The following DIP2C variants were observed in gnomAD, a reference collection of about 807,000 sequenced individuals.
DIP2C encodes the protein disco-interacting protein 2 homolog C.
Under a neutral mutation model 192.4 loss-of-function variants are expected in DIP2C, and 33 were observed. The observed-to-expected ratio is 0.17, with a 90% CI of 0.13 to 0.23. DIP2C has a LOEUF of 0.23. Among genes scored for constraint, DIP2C ranks in the 10% least tolerant of loss-of-function variants. The pLI, the probability that DIP2C is intolerant of heterozygous loss-of-function variation, is 1.00. For synonymous variants in DIP2C, 979 were observed against 864.1 expected (o/e 1.13, Z -2.33); for missense variants, 1,537 against 2,110.1 (o/e 0.73, Z 5.32).
At chr10:436,375 G>A (rs558460292) in intron 4 of DIP2C, among the ~76,000 whole-genome samples, 68 of 152,354 alleles carry the variant, frequency 4.5e-4, no homozygotes, top group African/African-American at 1.6e-3. Flanking sequence ...GTGACCATGG[G>A]CAGGCTTGGA....
chr10:342,682 G>A (rs1394575931), intron 28 of DIP2C, among the ~76,000 whole-genome samples: 1 of 152,152 alleles, frequency 6.6e-6, no homozygotes, highest in East Asian at 1.9e-4. Context: ...TGTGACATAA[G>A]TTAGAGCTAG....
intron 9 of DIP2C, 116 bp downstream of exon 9, chr10:408,810 C>T: frequency 2.2e-6 from 2 of 920,880 alleles, no homozygotes; most frequent in Non-Finnish European, 1.7e-6. Flanking sequence ...AGAATAAAAA[C>T]TTGCTTTCCA....
chr10:609,245 A>G (rs569390986), intron 1 of DIP2C, among the ~76,000 whole-genome samples: 1 of 152,334 alleles, frequency 6.6e-6, no homozygotes, highest in South Asian at 2.1e-4. Flanking sequence ...GGAACTTTCC[A>G]AAAGTAAATT....
chr10:454,898 G>A (rs11252521), intron 3 of DIP2C, among the ~76,000 whole-genome samples: 24,376 of 152,036 alleles, frequency 0.16, 5,051 homozygotes, highest in African/African-American at 0.48. Context: ...AGATTACTAT[G>A]TATATCCACA....
chr10:523,360 G>A (rs1846840574), intron 1 of DIP2C, among the ~76,000 whole-genome samples: 1 of 148,010 alleles, frequency 6.8e-6, no homozygotes, highest in African/African-American at 2.5e-5. Context: ...GAGTGACGAT[G>A]CAGGGACTCT....
At chr10:649,606 A>G (rs1855728149) in intron 1 of DIP2C, among the ~76,000 whole-genome samples, 2 of 152,246 alleles carry the variant, frequency 1.3e-5, no homozygotes, top group South Asian at 4.1e-4. Flanking sequence ...TCTAAGACTC[A>G]GGGTTTTGTC....
chr10:356,189 TATTGTA>T (rs1959071307), intron 24 of DIP2C: 2 of 596,526 alleles, frequency 3.4e-6, no homozygotes, highest in South Asian at 4.0e-5. Flanking sequence ...GGGGGAGAAA[TATTGTA>T]AATAGGTTGC....
intron 1 of DIP2C, among the ~76,000 whole-genome samples, chr10:558,207 T>TGC (rs1849012709): frequency 6.6e-6 from 1 of 152,140 alleles, no homozygotes; most frequent in Non-Finnish European, 1.5e-5. Context: ...GTACTGAGCA[T>TGC]GCGTCAAGCC....
chr10:491,082 T>C (rs1844410178), intron 1 of DIP2C, among the ~76,000 whole-genome samples: 1 of 152,232 alleles, frequency 6.6e-6, no homozygotes, highest in Admixed American at 6.5e-5. Flanking sequence ...CCGGCCCTTG[T>C]GGCTTCCTCT....
At chr10:669,859 G>C (rs1035145786) in intron 1 of DIP2C, among the ~76,000 whole-genome samples, 1 of 152,210 alleles carries the variant, frequency 6.6e-6, no homozygotes, top group African/African-American at 2.4e-5. Context: ...ATGTTTATAA[G>C]AAAGTTCAAT....
intron 1 of DIP2C, among the ~76,000 whole-genome samples, chr10:639,031 A>G (rs1205620589): frequency 2.6e-5 from 4 of 152,230 alleles, no homozygotes; most frequent in African/African-American, 9.6e-5. Flanking sequence ...TCCTCCTTGC[A>G]TTCAGTTTGA....
At chr10:356,082 C>T (rs1002801225) in intron 24 of DIP2C, among the ~76,000 whole-genome samples, 1 of 152,100 alleles carries the variant, frequency 6.6e-6, no homozygotes, top group East Asian at 1.9e-4. Context: ...TGCCTCAAAA[C>T]ACAAAACAAA....
intron 32 of DIP2C, among the ~76,000 whole-genome samples, chr10:293,407 T>C (rs1955589049): frequency 2.0e-5 from 3 of 152,166 alleles, no homozygotes; most frequent in Admixed American, 6.5e-5. Context: ...AATGTGCCGC[T>C]GAAAAAACAA....
At chr10:389,187 G>C (rs1429761240) in intron 13 of DIP2C, among the ~76,000 whole-genome samples, 1 of 151,704 alleles carries the variant, frequency 6.6e-6, no homozygotes, top group Non-Finnish European at 1.5e-5. Flanking sequence ...GGCATCCCAA[G>C]GGATCTCAGG....
chr10:460,206 C>G (rs1307872227), intron 3 of DIP2C, among the ~76,000 whole-genome samples: 1 of 152,184 alleles, frequency 6.6e-6, no homozygotes, highest in Non-Finnish European at 1.5e-5. Flanking sequence ...CAACACAAGT[C>G]TCCAGGTTTT....
chr10:468,753 C>A (rs1970411686), intron 3 of DIP2C, among the ~76,000 whole-genome samples: 1 of 152,122 alleles, frequency 6.6e-6, no homozygotes. Flanking sequence ...CCAGCCTGGG[C>A]AACAAGAGTG....
At chr10:577,812 TG>T (rs1850264871) in intron 1 of DIP2C, among the ~76,000 whole-genome samples, 2 of 144,620 alleles carry the variant, frequency 1.4e-5, no homozygotes, top group African/African-American at 2.8e-5. Flanking sequence ...TTGTTTCTTT[TG>T]TTTTTTTGTG....
chr10:326,354 C>T (rs566680660), intron 31 of DIP2C, among the ~76,000 whole-genome samples: 2 of 152,204 alleles, frequency 1.3e-5, no homozygotes, highest in East Asian at 3.9e-4. Context: ...CCAGCAGCAA[C>T]CTTAAGCAAT....
chr10:441,122 G>A (rs896390455), intron 3 of DIP2C, 126 bp from the exon 4 acceptor site: 34 of 1,126,368 alleles, frequency 3.0e-5, no homozygotes, highest in Non-Finnish European at 3.2e-5. Flanking sequence ...ATGGGTGGGC[G>A]AGGAAAGAAA....
Sources: gnomAD v4.1 joint callset for allele counts (sites outside exome capture counted in the v4.1 genomes callset) on GRCh38, gnomAD v4.1.1 for gene constraint, MANE v1.5 for transcripts, NCBI Gene and HGNC (gene_info 2026-07-23, HGNC 2026-07-21) for gene names.